The following EBF3 variants were observed in gnomAD, a reference collection of about 807,000 sequenced individuals.
EBF3 encodes the protein EBF transcription factor 3, also known as transcription factor COE3.
Under a neutral mutation model 77.1 loss-of-function variants are expected in EBF3, and 18 were observed. The observed-to-expected ratio is 0.23, with a 90% CI of 0.16 to 0.35. The LOEUF (loss-of-function observed/expected upper bound fraction) is 0.35, where lower values mean the gene tolerates loss of function less well. EBF3 is among the 10% of genes least tolerant of loss of function. The probability of loss-of-function intolerance (pLI) is 1.00; values close to 1 mark genes in which losing one functional copy is unlikely to be tolerated. For missense variants in EBF3, 558 were observed against 860.0 expected, an observed-to-expected ratio of 0.65 and a Z score of 4.39; for synonymous variants, 350 against 343.5, an observed-to-expected ratio of 1.02 and a Z score of -0.21.
chr10:129,911,953 G>A (rs1451832272), intron 6 of EBF3, among the ~76,000 whole-genome samples: 7 of 152,102 alleles, frequency 4.6e-5, no homozygotes, highest in East Asian at 1.9e-4. Context: ...CCAGAGCAAC[G>A]CACGGCCCAG....
chr10:129,905,796 C>T (rs889912163), intron 6 of EBF3, among the ~76,000 whole-genome samples: 1 of 152,202 alleles, frequency 6.6e-6, no homozygotes, highest in African/African-American at 2.4e-5. Context: ...CCCTGCATGG[C>T]AACCTCCCCG....
At chr10:129,878,955 G>A (rs1334207455) in intron 6 of EBF3, among the ~76,000 whole-genome samples, 1 of 152,156 alleles carries the variant, frequency 6.6e-6, no homozygotes, top group African/African-American at 2.4e-5. Context: ...GGGCTGGGGA[G>A]GTGAGGCCGA....
intron 6 of EBF3, among the ~76,000 whole-genome samples, chr10:129,904,496 GATGA>G (rs764741210): frequency 5.3e-5 from 8 of 152,010 alleles, no homozygotes; most frequent in African/African-American, 7.2e-5. Context: ...CAGATGGATG[GATGA>G]ATGAATGGAT....
Position 129,964,177 on chromosome 10 carries a change from CGGCGCAGTCCCG to C in EBF3, c.-421_-410del. 1 of 984,844 alleles carries C rather than the reference CGGCGCAGTCCCG, an allele frequency of 1.0e-6. No individual in the cohort carries two copies. The highest frequency in any genetic ancestry group is 1.2e-6 in the Non-Finnish European group (1 of 829,760). The allele number at this position is 984,844 out of a possible 1,614,324, so 61.0% of individuals were successfully genotyped here. A position where few individuals can be genotyped will look rare whatever the true frequency, so the allele number is the denominator to read the frequency against. Reference sequence around the variant, plus strand: ...CAAATAAACGGGGCAGTGAGTGCTGCGGCGCAGTCCCGGGCGCAGGCGGGGCGCGGCGGGGCC... The same window carrying C: ...CAAATAAACGGGGCAGTGAGTGCTGCGGCGCAGGCGGGGCGCGGCGGGGCC... On this transcript the variant is annotated 5_prime_UTR_variant, in exon 1 of 17. Transcript: ENST00000440978. This position sits in a 1 kb window ranked among gnomAD's most constrained non-coding sequence, Gnocchi z 4.5.
intron 10 of EBF3, among the ~76,000 whole-genome samples, chr10:129,866,782 C>T (rs972106092): frequency 6.6e-6 from 1 of 152,174 alleles, no homozygotes; most frequent in Non-Finnish European, 1.5e-5. Flanking sequence ...GGTGGACACA[C>T]GGCCCCTAGC....
At chr10:129,873,650 C>T (rs1589757831) in intron 7 of EBF3, 54 bp from the exon 8 acceptor site, 19 of 1,437,368 alleles carry the variant, frequency 1.3e-5, no homozygotes, top group East Asian at 2.6e-5. Flanking sequence ...AGCAGAGCCC[C>T]CTGTTAGGCA....
Position 129,963,958 on chromosome 10 carries a change from G to A in EBF3, c.-190C>T, listed in dbSNP as rs912743004. ...CACCAGCGGCCGGGCGCTCCGGACG[G>A]CCAGGGGCGCGGAGGCGGCTCCACC... On this transcript the variant is annotated 5_prime_UTR_variant, in exon 1 of 17. Transcript: ENST00000440978. The surrounding 1 kb of genome is among the most constrained non-coding windows in gnomAD (Gnocchi z 7.1). The A allele has an allele frequency of 6.8e-6, 7 of 1,034,056 alleles. No individual in the cohort carries two copies. The highest frequency in any genetic ancestry group is 3.4e-5 in the African/African-American group (2 of 58,084). 64.1% of individuals were successfully genotyped at this position (1,034,056 alleles called of 1,614,324 possible). A position where few individuals can be genotyped will look rare whatever the true frequency, so the allele number is the denominator to read the frequency against.
chr10:129,953,792 C>T (rs550181944), intron 6 of EBF3, among the ~76,000 whole-genome samples: 2 of 152,350 alleles, frequency 1.3e-5, no homozygotes, highest in African/African-American at 4.8e-5. Context: ...GGAGTATACA[C>T]CTTCCTGGGC....
At chr10:129,940,036 C>A (rs1857622233) in intron 6 of EBF3, among the ~76,000 whole-genome samples, 1 of 152,240 alleles carries the variant, frequency 6.6e-6, no homozygotes, top group Non-Finnish European at 1.5e-5. Flanking sequence ...GTACACAACC[C>A]CGAGGGCCCA....
chr10:129,848,074 C>A lies in EBF3; in HGVS notation c.1128+318G>T, dbSNP rs540742208. 2.6e-5 allele frequency among the ~76,000 whole-genome samples: 4 copies of A among 152,206 alleles called. No individual in the cohort carries two copies. The highest frequency in any genetic ancestry group is 5.9e-5 in the Non-Finnish European group (4 of 68,050). On this transcript the variant is annotated intron_variant, in intron 11 of 16. Transcript: ENST00000440978. The surrounding 1 kb of genome is among the most constrained non-coding windows in gnomAD (Gnocchi z 4.4). ...AATGTTTAATTGAACTATTTCATTA[C>A]GCGGAAGTTTATGTCCCCCTCACAG...
At chr10:129,930,594 CCT>C (rs1170456084) in intron 6 of EBF3, among the ~76,000 whole-genome samples, 1 of 145,164 alleles carries the variant, frequency 6.9e-6, no homozygotes, top group Non-Finnish European at 1.5e-5. Context: ...AACAAATCCC[CCT>C]CTCATATATC....
In EBF3 at chr10:129,957,153, G is replaced by A. The variant is rs934636755; in HGVS notation, c.554+105C>T. On this transcript the variant is annotated intron_variant, in intron 6 of 16. Coordinates refer to ENST00000440978, the MANE Select transcript of EBF3 (RefSeq NM_001375380.1). Reference sequence around the variant, plus strand: ...ACAAATGGTGCAATGCACAAGATGGGCTCGACACCAGCCTCAAAAATATGG... The same window carrying A: ...ACAAATGGTGCAATGCACAAGATGGACTCGACACCAGCCTCAAAAATATGG... 8.9e-6 allele frequency: 9 copies of A among 1,010,168 alleles called. No homozygotes were observed. In the African/African-American group the frequency reaches 9.7e-5, roughly 11 times the overall value. The allele number at this position is 1,010,168 out of a possible 1,614,324, so 62.6% of individuals were successfully genotyped here.
At chr10:129,931,755 C>T (rs1338984892) in intron 6 of EBF3, among the ~76,000 whole-genome samples, 1 of 152,208 alleles carries the variant, frequency 6.6e-6, no homozygotes, top group South Asian at 2.1e-4. Flanking sequence ...TCAACTTAAA[C>T]TGTTGCTATC....
At chr10:129,939,500 T>C (rs1179658557) in intron 6 of EBF3, among the ~76,000 whole-genome samples, 1 of 152,224 alleles carries the variant, frequency 6.6e-6, no homozygotes, top group Non-Finnish European at 1.5e-5. Context: ...ATTTAAAGAC[T>C]TGGGGTTTTT....
rs575404115 is a variant in EBF3, at chr10:129,844,195, CCGGTCTAGGAGAGCTCTG to C, written c.1129-1011_1129-994del. ...CAGTGGCCTCCTGCGGACCCCAGGC[CCGGTCTAGGAGAGCTCTG>C]CGGTCTAGGAGAGCTCTGCTGGTCC... is the stretch of plus-strand genomic sequence containing the variant. On this transcript the variant is annotated intron_variant, in intron 11 of 16. Transcript: ENST00000440978. Among the ~76,000 whole-genome samples, 634 of 152,256 alleles carry C rather than the reference CCGGTCTAGGAGAGCTCTG, an allele frequency of 4.2e-3. 4 individuals are homozygous for C. Among genetic ancestry groups the C allele is most frequent in the African/African-American group, 0.014 (584 of 41,540 alleles).
At chr10:129,919,669 C>T (rs947460047) in intron 6 of EBF3, among the ~76,000 whole-genome samples, 14 of 152,166 alleles carry the variant, frequency 9.2e-5, no homozygotes, top group African/African-American at 3.1e-4. Context: ...TTGACTGCTG[C>T]AGGGGGCAAG....
chr10:129,908,092 TTTA>T (rs1855271295), intron 6 of EBF3, among the ~76,000 whole-genome samples: 1 of 152,196 alleles, frequency 6.6e-6, no homozygotes, highest in Admixed American at 6.5e-5. Flanking sequence ...ATAAATATTT[TTTA>T]TTATTTGTGA....
intron 6 of EBF3, among the ~76,000 whole-genome samples, chr10:129,880,912 A>C (rs998182676): frequency 1.3e-5 from 2 of 152,220 alleles, no homozygotes; most frequent in African/African-American, 4.8e-5. Flanking sequence ...CACGGAGCAA[A>C]TGTATGCTTT....
intron 6 of EBF3, among the ~76,000 whole-genome samples, chr10:129,942,243 T>C (rs1415813799): frequency 6.6e-6 from 1 of 152,168 alleles, no homozygotes; most frequent in East Asian, 1.9e-4. Flanking sequence ...TTTAGGACAT[T>C]TCCCCAACAA....
Sources: allele counts gnomAD v4.1 joint callset (sites outside exome capture counted in the v4.1 genomes callset), GRCh38; gene constraint gnomAD v4.1.1; non-coding constraint Gnocchi (gnomAD v3.1); transcripts MANE v1.5; gene names NCBI Gene and HGNC (gene_info 2026-07-23, HGNC 2026-07-21).